Variants in NRG3 observed in about 807,000 individuals in gnomAD.
The protein encoded by NRG3 is neuregulin 3.
NRG3 carries 31 observed loss-of-function variants against 66.9 expected under a neutral mutation model. The observed-to-expected ratio is 0.46, with a 90% CI of 0.35 to 0.63. The LOEUF (loss-of-function observed/expected upper bound fraction) is 0.63, where lower values mean the gene tolerates loss of function less well. Ranked by LOEUF, NRG3 falls within the 20% of genes least tolerant of loss-of-function variation. NRG3 has a pLI of 0.00. For synonymous variants in NRG3, 393 were observed against 359.4 expected (o/e 1.09, Z -1.06); for missense variants, 910 against 878.9 (o/e 1.04, Z -0.45).
intron 1 of NRG3, among the ~76,000 whole-genome samples, chr10:81,988,985 C>A (rs1195056698): frequency 2.6e-5 from 4 of 151,616 alleles, no homozygotes; most frequent in Non-Finnish European, 5.9e-5. Flanking sequence ...TGAAGTAACG[C>A]AAGTGAGGCA....
chr10:82,856,606 A>T (rs1177738089), intron 3 of NRG3, among the ~76,000 whole-genome samples: 1 of 151,780 alleles, frequency 6.6e-6, no homozygotes. Flanking sequence ...TTAGCTGGGC[A>T]TGGTGGCCGT....
At chr10:82,104,090 T>C (rs2066919932) in intron 1 of NRG3, among the ~76,000 whole-genome samples, 1 of 152,150 alleles carries the variant, frequency 6.6e-6, no homozygotes, top group Admixed American at 6.5e-5. Context: ...TACTGTTTGT[T>C]CTTCAATTTT....
chr10:82,090,389 T>C (rs1397790217), intron 1 of NRG3, among the ~76,000 whole-genome samples: 2 of 152,220 alleles, frequency 1.3e-5, no homozygotes, highest in African/African-American at 2.4e-5. Flanking sequence ...TCCTACTATG[T>C]GCTACACTTT....
intron 1 of NRG3, chr10:82,232,628 T>C: frequency 1.6e-6 from 1 of 625,216 alleles, no homozygotes; most frequent in East Asian, 2.8e-5. Flanking sequence ...TCTATAAATA[T>C]TATGATTTGT....
chr10:82,243,826 G>C (rs1223441282), intron 1 of NRG3, among the ~76,000 whole-genome samples: 1 of 151,958 alleles, frequency 6.6e-6, no homozygotes, highest in Admixed American at 6.6e-5. Context: ...TTTTCTTTTG[G>C]GTACAATAGC....
At chr10:82,130,671 GTTCCCTT>G (rs2068760651) in intron 1 of NRG3, among the ~76,000 whole-genome samples, 1 of 152,066 alleles carries the variant, frequency 6.6e-6, no homozygotes, top group Non-Finnish European at 1.5e-5. Flanking sequence ...AAGTACAAGG[GTTCCCTT>G]TTCTCCACAT....
chr10:82,074,752 T>C (rs1371975545), intron 1 of NRG3, among the ~76,000 whole-genome samples: 3 of 152,276 alleles, frequency 2.0e-5, no homozygotes, highest in African/African-American at 7.2e-5. Context: ...CAAGAGGATC[T>C]CTTGAGCCCA....
At chr10:81,942,861 T>G (rs889228782) in intron 1 of NRG3, among the ~76,000 whole-genome samples, 6 of 152,178 alleles carry the variant, frequency 3.9e-5, no homozygotes, top group African/African-American at 1.2e-4. Flanking sequence ...AATGTACAAG[T>G]GATTCTTTGA....
intron 2 of NRG3, among the ~76,000 whole-genome samples, chr10:82,540,463 C>T (rs562536805): frequency 2.6e-5 from 4 of 151,640 alleles, no homozygotes; most frequent in African/African-American, 9.7e-5. Context: ...TGTATGTGTG[C>T]ATGTGTGAGT....
Position 82,068,464 on chromosome 10 carries a change from C to T in NRG3, c.823+192301C>T, listed in dbSNP as rs79200099. On this transcript the variant is annotated intron_variant, in intron 1 of 8. Transcript: ENST00000372141. ...TACCCATGTGCAAAATAGACGTTTC[C>T]TGCCCTTGAGAAGCGTACAGCTTAG... 3.0e-3 allele frequency among the ~76,000 whole-genome samples: 451 copies of T among 152,296 alleles called. 9 individuals are homozygous for T. The East Asian group carries it at 0.045, about 15-fold the overall frequency.
intron 1 of NRG3, among the ~76,000 whole-genome samples, chr10:82,148,754 C>A (rs75015915): frequency 0.018 from 2,652 of 147,982 alleles, 81 homozygotes; most frequent in African/African-American, 0.063. Flanking sequence ...TCTCTTCATC[C>A]AAAGAAACCC....
intron 3 of NRG3, among the ~76,000 whole-genome samples, chr10:82,813,200 CCT>C (rs1399664857): frequency 1.4e-5 from 2 of 143,716 alleles, no homozygotes; most frequent in East Asian, 4.2e-4. Flanking sequence ...TTATTCATAC[CCT>C]CTGTTTCTCT....
At chr10:82,726,895 G>A (rs2057633060) in intron 2 of NRG3, among the ~76,000 whole-genome samples, 1 of 152,088 alleles carries the variant, frequency 6.6e-6, no homozygotes, top group African/African-American at 2.4e-5. Flanking sequence ...AGGCTGAGGT[G>A]GTCTCAGATG....
At chr10:82,217,931 C>A (rs1186569998) in intron 1 of NRG3, among the ~76,000 whole-genome samples, 8 of 152,142 alleles carry the variant, frequency 5.3e-5, no homozygotes, top group Admixed American at 3.3e-4. Context: ...TTTTATTTCA[C>A]TATGAATATT....
chr10:82,961,808 C>T (rs1158636386), intron 6 of NRG3, among the ~76,000 whole-genome samples: 1 of 152,154 alleles, frequency 6.6e-6, no homozygotes, highest in Non-Finnish European at 1.5e-5. Context: ...AGTTCCATCA[C>T]CAAGCTTCCC....
At chr10:82,697,691 G>T (rs1591212869) in intron 2 of NRG3, among the ~76,000 whole-genome samples, 1 of 152,284 alleles carries the variant, frequency 6.6e-6, no homozygotes, top group Non-Finnish European at 1.5e-5. Context: ...CGTGACTTTA[G>T]TAAGTCTTAA....
At chr10:82,441,915 C>T (rs2090452241) in intron 2 of NRG3, among the ~76,000 whole-genome samples, 1 of 152,128 alleles carries the variant, frequency 6.6e-6, no homozygotes, top group Non-Finnish European at 1.5e-5. Context: ...ACTCTTGTCC[C>T]TTACAATTTT....
intron 4 of NRG3, among the ~76,000 whole-genome samples, chr10:82,874,574 G>T (rs1249470994): frequency 6.6e-6 from 1 of 152,084 alleles, no homozygotes; most frequent in Non-Finnish European, 1.5e-5. Flanking sequence ...TTGCTAGTGT[G>T]CCCTTTGCCA....
intron 3 of NRG3, among the ~76,000 whole-genome samples, chr10:82,818,358 G>A (rs1383327679): frequency 6.6e-6 from 1 of 152,122 alleles, no homozygotes; most frequent in African/African-American, 2.4e-5. Context: ...CCTACTTCAG[G>A]AGGCTGTGGA....
Sources: gnomAD v4.1 joint callset for allele counts (sites outside exome capture counted in the v4.1 genomes callset) on GRCh38, gnomAD v4.1.1 for gene constraint, MANE v1.5 for transcripts, NCBI Gene and HGNC (gene_info 2026-07-23, HGNC 2026-07-21) for gene names.